The following CRISPLD1 variants were observed in gnomAD, a reference collection of about 807,000 sequenced individuals.
CRISPLD1 encodes cysteine-rich secretory protein LCCL domain-containing 1.
In CRISPLD1, 60 loss-of-function variants were observed where a neutral mutation model predicts 77.5. The ratio of observed to expected loss-of-function variants is 0.77; its 90% CI spans 0.63 to 0.96. CRISPLD1 has a LOEUF of 0.96. Among genes scored for constraint, CRISPLD1 ranks in the 40% least tolerant of loss-of-function variants. The probability of loss-of-function intolerance (pLI) is 0.00; values close to 1 mark genes in which losing one functional copy is unlikely to be tolerated. For synonymous variants in CRISPLD1, 195 were observed against 200.1 expected (o/e 0.97, Z 0.22); for missense variants, 623 against 615.8 (o/e 1.01, Z -0.12).
intron 14 of CRISPLD1, among the ~76,000 whole-genome samples, chr8:75,030,760 G>A (rs1055045955): frequency 2.2e-5 from 3 of 134,232 alleles, no homozygotes; most frequent in Non-Finnish European, 5.1e-5. Flanking sequence ...GTATATATGT[G>A]TGTATATGTA....
intron 6 of CRISPLD1, among the ~76,000 whole-genome samples, chr8:75,015,960 G>A (rs557325593): frequency 1.3e-5 from 2 of 151,990 alleles, no homozygotes; most frequent in East Asian, 3.9e-4. Flanking sequence ...TCTCCAAAAT[G>A]TGCCATTGTC....
chr8:75,013,953 T>A, intron 4 of CRISPLD1, 34 bp from the exon 5 acceptor site: 4 of 1,423,090 alleles, frequency 2.8e-6, no homozygotes, highest in Non-Finnish European at 4.0e-6. Flanking sequence ...CATTTCAGCC[T>A]GCTTTTTCTG....
chr8:74,994,061 TTA>T (rs1378581061), intron 2 of CRISPLD1, among the ~76,000 whole-genome samples: 2 of 152,138 alleles, frequency 1.3e-5, no homozygotes, highest in East Asian at 3.8e-4. Flanking sequence ...TAGCATGATC[TTA>T]CTTACAATTA....
chr8:74,991,821 C>T lies in CRISPLD1; in HGVS notation c.258+5576C>T, dbSNP rs144769402. Reference sequence around the variant, plus strand: ...CTGGACAGGTGTGAGCCACCAGACCCGGCCACAAACTCTTACTTTTCCCTC... The same window carrying T: ...CTGGACAGGTGTGAGCCACCAGACCTGGCCACAAACTCTTACTTTTCCCTC... On this transcript the variant is annotated intron_variant, in intron 2 of 14. Transcript: ENST00000262207. 4.9e-3 allele frequency among the ~76,000 whole-genome samples: 748 copies of T among 152,272 alleles called. 10 individuals carry two copies. Among genetic ancestry groups the T allele is most frequent in the African/African-American group, 0.016 (680 of 41,548 alleles).
intron 2 of CRISPLD1, among the ~76,000 whole-genome samples, chr8:75,001,643 A>C (rs971972830): frequency 2.0e-5 from 3 of 152,208 alleles, no homozygotes; most frequent in African/African-American, 7.2e-5. Context: ...CTTATCAGTA[A>C]GGGATTGTTG....
At position 75,034,453 on chromosome 8, in the gene CRISPLD1, T is replaced by C. The variant is rs992627520; in HGVS notation, c.*2211T>C. On this transcript the variant is annotated 3_prime_UTR_variant, in exon 15 of 15. Transcript: ENST00000262207. ...ATTTGGGGAAACTATTCATCTGTCATATACTATTGATCCTTTGGCACTTAA... is the reference window on the plus strand; with the variant it reads ...ATTTGGGGAAACTATTCATCTGTCACATACTATTGATCCTTTGGCACTTAA... 6.6e-6 allele frequency: 1 copy of C among 152,122 alleles called. No individual in the cohort carries two copies. Among genetic ancestry groups the C allele is most frequent in the Non-Finnish European group, 1.5e-5 (1 of 67,962 alleles). The allele number at this position is 152,122 out of a possible 1,614,324, so 9.4% of individuals were successfully genotyped here.
chr8:75,017,502 A>T (rs368953488), intron 10 of CRISPLD1, 52 bp downstream of exon 10: 71 of 1,474,008 alleles, frequency 4.8e-5, no homozygotes, highest in Admixed American at 9.6e-5. Context: ...TGTAACAGTG[A>T]GCTAACACAT....
rs765415373 is a variant in CRISPLD1 at position 75,016,892 on chromosome 8, T to G, written c.880T>G (p.Ser294Ala). Residue 294 changes from serine (S) to alanine (A), a missense_variant, in exon 8 of 15, where the codon TCT (serine) becomes GCT (alanine). By Grantham distance (99) the Ser-to-Ala change is moderately conservative. Coordinates refer to ENST00000262207, the MANE Select transcript of CRISPLD1 (RefSeq NM_031461.6). ...ISAQQMSQIVSCEVRLRDQCK... is the reference protein window; with the variant it reads ...ISAQQMSQIVACEVRLRDQCK... ...TTTTTTCTTTGTAGCCCAAATTGTT[T>G]CTTGTGAAGTAAGATTAAGAGATCA... 6.4e-7 allele frequency: 1 copy of G among 1,569,974 alleles called. No homozygotes were observed. Among genetic ancestry groups the G allele is most frequent in the South Asian group, 1.2e-5 (1 of 83,514 alleles).
intron 2 of CRISPLD1, among the ~76,000 whole-genome samples, chr8:74,989,219 C>A (rs1411864528): frequency 6.6e-6 from 1 of 152,106 alleles, no homozygotes; most frequent in East Asian, 1.9e-4. Flanking sequence ...AAAGCACAGA[C>A]CTTGTGGCAG....
At chr8:74,996,850 T>A (rs778343593) in intron 2 of CRISPLD1, among the ~76,000 whole-genome samples, 6 of 150,946 alleles carry the variant, frequency 4.0e-5, no homozygotes, top group Non-Finnish European at 8.8e-5. Flanking sequence ...CCTGAGTAGC[T>A]GAGACTACAG....
At chr8:75,015,758 T>G (rs1413697799) in intron 6 of CRISPLD1, among the ~76,000 whole-genome samples, 5 of 152,156 alleles carry the variant, frequency 3.3e-5, no homozygotes, top group African/African-American at 1.2e-4. Flanking sequence ...TGTAAGCCAT[T>G]TTAAAATTCC....
At chr8:75,006,710 A>T (rs537541044) in intron 2 of CRISPLD1, among the ~76,000 whole-genome samples, 2 of 152,116 alleles carry the variant, frequency 1.3e-5, no homozygotes, top group Admixed American at 1.3e-4. Context: ...TATTTTATTT[A>T]TTGAGGAATC....
chr8:74,991,863 C>T (rs758749176), intron 2 of CRISPLD1, among the ~76,000 whole-genome samples: 8 of 152,146 alleles, frequency 5.3e-5, no homozygotes, highest in Admixed American at 3.3e-4. Flanking sequence ...CAGCTTAAAC[C>T]TTGTCTTTCC....
intron 2 of CRISPLD1, among the ~76,000 whole-genome samples, chr8:75,006,108 A>G (rs1046170965): frequency 6.6e-6 from 1 of 151,818 alleles, no homozygotes; most frequent in African/African-American, 2.4e-5. Flanking sequence ...AGTGCCTATT[A>G]TTTTCCTCTG....
chr8:74,990,781 A>G (rs1480268992), intron 2 of CRISPLD1, among the ~76,000 whole-genome samples: 3 of 152,080 alleles, frequency 2.0e-5, no homozygotes, highest in Non-Finnish European at 4.4e-5. Context: ...ACAAAAAAAA[A>G]AAAAAACCAG....
intron 14 of CRISPLD1, 30 bp from the exon 15 acceptor site, chr8:75,032,161 A>AT: frequency 6.7e-7 from 1 of 1,487,096 alleles, no homozygotes; most frequent in East Asian, 2.3e-5. Flanking sequence ...TGACATCAAT[A>AT]TACTTTTCAT....
intron 2 of CRISPLD1, among the ~76,000 whole-genome samples, chr8:74,996,865 A>G (rs559231173): frequency 1.3e-5 from 2 of 151,752 alleles, no homozygotes; most frequent in South Asian, 4.2e-4. Flanking sequence ...CTACAGGCAC[A>G]TACCACCACA....
At chr8:75,001,041 TA>T in intron 2 of CRISPLD1, among the ~76,000 whole-genome samples, 1 of 152,214 alleles carries the variant, frequency 6.6e-6, no homozygotes, top group Non-Finnish European at 1.5e-5. Flanking sequence ...ATGTGATATG[TA>T]AAATATTTTA....
At chr8:75,031,163 T>A (rs779428736) in intron 14 of CRISPLD1, among the ~76,000 whole-genome samples, 5 of 152,076 alleles carry the variant, frequency 3.3e-5, no homozygotes, top group Admixed American at 2.0e-4. Flanking sequence ...ATGAAAAACC[T>A]GGCATACATG....
Sources: gnomAD v4.1 joint callset for allele counts (sites outside exome capture counted in the v4.1 genomes callset) on GRCh38, gnomAD v4.1.1 for gene constraint, MANE v1.5 for transcripts, NCBI Gene and HGNC (gene_info 2026-07-23, HGNC 2026-07-21) for gene names.